The following RABGEF1 variants were observed in gnomAD, a reference collection of about 807,000 sequenced individuals.
The protein encoded by RABGEF1 is RAB guanine nucleotide exchange factor 1.
In RABGEF1, 26 loss-of-function variants were observed where a neutral mutation model predicts 57.3. That is an observed-to-expected ratio of 0.45 (90% CI 0.33 to 0.63). The LOEUF (loss-of-function observed/expected upper bound fraction) is 0.63. RABGEF1 is among the 20% of genes least tolerant of loss of function. RABGEF1 has a pLI of 0.02. For missense variants in RABGEF1, 464 were observed against 607.6 expected (o/e 0.76, Z 2.48); for synonymous variants, 185 against 210.7 (o/e 0.88, Z 1.06).
chr7:66,690,275 A>G (rs969410580), intron 1 of RABGEF1, among the ~76,000 whole-genome samples: 1 of 151,010 alleles, frequency 6.6e-6, no homozygotes, highest in Non-Finnish European at 1.5e-5. Context: ...TAATTTTTGT[A>G]TTTTTAGTAG....
In RABGEF1 at chr7:66,727,403, TTG is replaced by T. The variant is rs1260537509; in HGVS notation, c.-814-12592_-814-12591del. Reference sequence around the variant, plus strand: ...TCCCTGGCCACCCCATCCCATGGCATTGCCTTCCCTTTGAAAGTTTGTCCCAT... The same window carrying T: ...TCCCTGGCCACCCCATCCCATGGCATCCTTCCCTTTGAAAGTTTGTCCCAT... On this transcript the variant is annotated intron_variant and NMD_transcript_variant, in intron 2 of 9. Transcript: ENST00000607882. Among the ~76,000 whole-genome samples, 7 of 152,218 alleles carry T rather than the reference TTG, an allele frequency of 4.6e-5. 1 individual carries two copies. The South Asian group carries it at 8.3e-4, about 18-fold the overall frequency.
At chr7:66,759,278 AT>A (rs1803604378) in intron 1 of RABGEF1, among the ~76,000 whole-genome samples, 1 of 152,226 alleles carries the variant, frequency 6.6e-6, no homozygotes, top group Non-Finnish European at 1.5e-5. Context: ...ACAAAGTAGG[AT>A]TAATAAAGGT....
the RABGEF1 span, among the ~76,000 whole-genome samples, chr7:66,674,122 T>C: frequency 6.6e-6 from 1 of 151,994 alleles, no homozygotes; most frequent in African/African-American, 2.4e-5. Context: ...ACCACGCGCT[T>C]ACCCTATGAC....
intron 1 of RABGEF1, among the ~76,000 whole-genome samples, chr7:66,770,070 C>T (rs1391572518): frequency 6.6e-6 from 1 of 152,184 alleles, no homozygotes; most frequent in Non-Finnish European, 1.5e-5. Flanking sequence ...AGTTTCCTAA[C>T]ACTTTCTCTT....
At chr7:66,705,450 AGAGAGAGAGAG>A (rs1793903612) in intron 1 of RABGEF1, among the ~76,000 whole-genome samples, 2 of 119,294 alleles carry the variant, frequency 1.7e-5, no homozygotes, top group African/African-American at 3.2e-5. Flanking sequence ...AGAAAGAGAG[AGAGAGAGAGAG>A]AGAGAGAGAG....
intron 4 of RABGEF1, among the ~76,000 whole-genome samples, chr7:66,789,379 A>C (rs986061889): frequency 6.6e-6 from 1 of 152,174 alleles, no homozygotes; most frequent in African/African-American, 2.4e-5. Flanking sequence ...AAGGAAAAAA[A>C]GTAGATAAAA....
upstream of RABGEF1, among the ~76,000 whole-genome samples, chr7:66,679,312 T>A (rs899898129): frequency 6.6e-6 from 1 of 151,614 alleles, no homozygotes; most frequent in African/African-American, 2.4e-5. Flanking sequence ...TTGGTTGCAG[T>A]TTTTTTTTCT....
At chr7:66,735,863 A>T (rs992548966), upstream of RABGEF1, among the ~76,000 whole-genome samples, 5 of 152,224 alleles carry the variant, frequency 3.3e-5, no homozygotes, top group African/African-American at 1.2e-4. Flanking sequence ...GCATTTCTTT[A>T]TAGCAGTGCA....
chr7:66,760,782 G>A (rs1324612551), intron 1 of RABGEF1, among the ~76,000 whole-genome samples: 2 of 151,814 alleles, frequency 1.3e-5, no homozygotes. Context: ...ACTCACGAGG[G>A]GAAGAGATTT....
At chr7:66,725,521 G>C (rs574931081) in intron 2 of RABGEF1, among the ~76,000 whole-genome samples, 2 of 152,158 alleles carry the variant, frequency 1.3e-5, no homozygotes, top group Non-Finnish European at 2.9e-5. Context: ...ATCAGTTCTT[G>C]TTTCTTTTTA....
At chr7:66,717,319 C>T (rs1445457348) in intron 2 of RABGEF1, among the ~76,000 whole-genome samples, 1 of 152,106 alleles carries the variant, frequency 6.6e-6, no homozygotes, top group Non-Finnish European at 1.5e-5. Context: ...GGTTCCTTTC[C>T]CCTGTCCTTA....
chr7:66,752,493 TAAA>T (rs368452742), intron 1 of RABGEF1, among the ~76,000 whole-genome samples: 1 of 137,420 alleles, frequency 7.3e-6, no homozygotes, highest in Non-Finnish European at 1.6e-5. Context: ...AAACTCCGTC[TAAA>T]AAAAAAAAAA....
rs1046064161 is a variant in RABGEF1, at chr7:66,803,479, C to T, written c.821-1661C>T. ...GATGTGCAACCCCAGAGGTACGCTG[C>T]CTCTCCAGCGGTGCTGTCACCACGT... On this transcript the variant is annotated intron_variant, in intron 7 of 8. Coordinates refer to ENST00000284957, the MANE Select transcript of RABGEF1 (RefSeq NM_014504.3). 6.8e-4 allele frequency among the ~76,000 whole-genome samples: 103 copies of T among 152,238 alleles called. 2 individuals are homozygous for T. Among genetic ancestry groups the T allele is most frequent in the Admixed American group, 4.6e-4 (7 of 15,288 alleles).
intron 1 of RABGEF1, among the ~76,000 whole-genome samples, chr7:66,765,648 A>T (rs1805511604): frequency 6.6e-6 from 1 of 152,146 alleles, no homozygotes; most frequent in African/African-American, 2.4e-5. Context: ...CATTCTGTAG[A>T]CTGTCCTGAT....
intron 3 of RABGEF1, among the ~76,000 whole-genome samples, chr7:66,782,777 C>T (rs1386612334): frequency 2.0e-5 from 3 of 151,260 alleles, no homozygotes; most frequent in Non-Finnish European, 4.4e-5. Context: ...CAGAGCAAGA[C>T]TTCGTCTCAA....
intron 2 of RABGEF1, among the ~76,000 whole-genome samples, chr7:66,733,697 C>CA (rs35157228): frequency 0.5 from 75,601 of 151,162 alleles, 19,855 homozygotes; most frequent in East Asian, 0.74. Flanking sequence ...GGCTCCATCT[C>CA]AACAAAACAA....
Position 66,810,193 on chromosome 7 carries a change from T to C in RABGEF1, c.*909T>C, listed in dbSNP as rs1789263868. Reference sequence around the variant, plus strand: ...TCAGCTGTGAGATGCAAGGGGCGCCTTGCAGCCTCCATAATATACATTTGA... The same window carrying C: ...TCAGCTGTGAGATGCAAGGGGCGCCCTGCAGCCTCCATAATATACATTTGA... On this transcript the variant is annotated 3_prime_UTR_variant, in exon 9 of 9. Coordinates refer to ENST00000284957, the MANE Select transcript of RABGEF1 (RefSeq NM_014504.3). The C allele has an allele frequency of 6.6e-6, 1 of 152,152 alleles. No individual in the cohort carries two copies. The highest frequency in any genetic ancestry group is 2.1e-4 in the South Asian group (1 of 4,832). 9.4% of individuals were successfully genotyped at this position (152,152 alleles called of 1,614,324 possible). A position where few individuals can be genotyped will look rare whatever the true frequency, so the allele number is the denominator to read the frequency against.
intron 4 of RABGEF1, among the ~76,000 whole-genome samples, chr7:66,787,427 T>G (rs1194621735): frequency 6.8e-6 from 1 of 146,200 alleles, no homozygotes; most frequent in Non-Finnish European, 1.5e-5. Flanking sequence ...CACCCCAACC[T>G]CTGCCTCCCA....
At chr7:66,773,488 C>T (rs1051252639) in intron 2 of RABGEF1, among the ~76,000 whole-genome samples, 35 of 152,176 alleles carry the variant, frequency 2.3e-4, no homozygotes, top group African/African-American at 5.3e-4. Flanking sequence ...CTAAATCTCT[C>T]GGAAAGCTTG....
Sources: allele counts gnomAD v4.1 joint callset (sites outside exome capture counted in the v4.1 genomes callset), GRCh38; gene constraint gnomAD v4.1.1; transcripts MANE v1.5; gene names NCBI Gene and HGNC (gene_info 2026-07-23, HGNC 2026-07-21).